VPS53: variants seen among roughly 807,000 people sequenced by gnomAD.
The protein encoded by VPS53 is vacuolar protein sorting-associated protein 53 homolog.
VPS53 carries 70 observed loss-of-function variants against 107.0 expected under a neutral mutation model. The ratio of observed to expected loss-of-function variants is 0.65; its 90% CI spans 0.54 to 0.80. VPS53 has a LOEUF of 0.80. Among genes scored for constraint, VPS53 ranks in the 30% least tolerant of loss-of-function variants. VPS53 has a pLI of 0.00. For synonymous variants in VPS53, 409 were observed against 393.3 expected (o/e 1.04, Z -0.47); for missense variants, 917 against 1,049.4 (o/e 0.87, Z 1.74).
intron 15 of VPS53, among the ~76,000 whole-genome samples, chr17:554,184 G>C (rs1434549728): frequency 6.6e-6 from 1 of 152,022 alleles, no homozygotes; most frequent in African/African-American, 2.4e-5. Context: ...TGCTACTACG[G>C]GCCAAGCACC....
At chr17:601,920 GAA>G (rs2143008416) in intron 11 of VPS53, 24 bp from the exon 12 acceptor site, 12 of 1,532,940 alleles carry the variant, frequency 7.8e-6, no homozygotes, top group Middle Eastern at 1.7e-4. Flanking sequence ...ATGAGAAAGA[GAA>G]GTGTTTTCTG....
At chr17:652,928 T>A (rs1392022013) in intron 7 of VPS53, among the ~76,000 whole-genome samples, 1 of 152,236 alleles carries the variant, frequency 6.6e-6, no homozygotes, top group East Asian at 1.9e-4. Flanking sequence ...TAGCATCTGA[T>A]ATTCCTTCAC....
chr17:670,226 ACTGGTGAACTGGGC>A (rs1971879977), intron 4 of VPS53, among the ~76,000 whole-genome samples: 3 of 151,688 alleles, frequency 2.0e-5, no homozygotes, highest in African/African-American at 7.3e-5. Flanking sequence ...TGAACTGGGC[ACTGGTGAACTGGGC>A]ACTGGAGCCA....
At chr17:697,278 G>A (rs1054123910) in intron 4 of VPS53, 140 bp downstream of exon 4, 24 of 744,830 alleles carry the variant, frequency 3.2e-5, no homozygotes, top group South Asian at 1.3e-4. Flanking sequence ...TGCTGTGGGC[G>A]CCTGCCCTGT....
Position 562,650 on chromosome 17 carries a change from C to G in VPS53, c.1409G>C (p.Ser470Thr). 1 of 1,613,932 alleles carries G rather than the reference C, an allele frequency of 6.2e-7. No homozygotes were observed. The highest frequency in any genetic ancestry group is 1.1e-5 in the South Asian group (1 of 91,066). Residue 470 changes from serine (S) to threonine (T), a missense_variant, in exon 14 of 22, where the codon AGC becomes ACC. By Grantham distance (58) the Ser-to-Thr change is moderately conservative. Transcript: ENST00000437048. ...GTAGTAGACAAAGAGGTCGGCGCAGCTGGGGAGCACGGCACCCCCTTCATC... is the reference window on the plus strand; with the variant it reads ...GTAGTAGACAAAGAGGTCGGCGCAGGTGGGGAGCACGGCACCCCCTTCATC... ...NTDEGGAVLP[S>T]CADLFVYYKK...
At chr17:585,997 T>C (rs1967289399) in intron 13 of VPS53, among the ~76,000 whole-genome samples, 1 of 152,188 alleles carries the variant, frequency 6.6e-6, no homozygotes. Flanking sequence ...TGGGCTGATA[T>C]ATGTCAGGGC....
At chr17:593,535 G>GTTTTTGGCTAAA (rs1266890927) in intron 12 of VPS53, among the ~76,000 whole-genome samples, 3 of 152,154 alleles carry the variant, frequency 2.0e-5, no homozygotes, top group Non-Finnish European at 4.4e-5. Flanking sequence ...AGACATTTAT[G>GTTTTTGGCTAAA]CAGCCAAAAA....
intron 19 of VPS53, among the ~76,000 whole-genome samples, chr17:523,596 A>G (rs973752839): frequency 6.6e-6 from 1 of 152,234 alleles, no homozygotes; most frequent in Non-Finnish European, 1.5e-5. Flanking sequence ...TGGTAGAAAC[A>G]TGGGGAAGAC....
intron 17 of VPS53, 120 bp downstream of exon 17, chr17:551,752 A>T: frequency 1.2e-6 from 1 of 843,804 alleles, no homozygotes; most frequent in Non-Finnish European, 1.7e-6. Flanking sequence ...GGGCCTCTCC[A>T]TTCTCCTCAG....
intron 12 of VPS53, chr17:599,851 A>T (rs1287159005): frequency 6.6e-6 from 1 of 152,554 alleles, no homozygotes; most frequent in Non-Finnish European, 1.5e-5. Flanking sequence ...TAACTTCCAC[A>T]GTGACATCTG....
chr17:529,075 T>G (rs1909330735), intron 19 of VPS53, among the ~76,000 whole-genome samples: 1 of 152,224 alleles, frequency 6.6e-6, no homozygotes, highest in South Asian at 2.1e-4. Context: ...ATATGGTGTG[T>G]GGCAAAGGTC....
Position 520,860 on chromosome 17 carries a change from T to TCACCCTCACCTACATGAGCTCTC in VPS53, c.2223+740_2223+741insGAGAGCTCATGTAGGTGAGGGTG, listed in dbSNP as rs1908696885. ...CTTCACCCTCACCTACATGAGCTCT[T>TCACCCTCACCTACATGAGCTCTC]CACCCTCACCTACATGAGCTCTTCA... On this transcript the variant is annotated intron_variant, in intron 20 of 21. Transcript: ENST00000437048. The surrounding 1 kb of genome is among the most constrained non-coding windows in gnomAD (Gnocchi z 4.4). Among the ~76,000 whole-genome samples the TCACCCTCACCTACATGAGCTCTC allele has an allele frequency of 6.6e-6, 1 of 152,038 alleles. No homozygotes were observed. The highest frequency in any genetic ancestry group is 2.4e-5 in the African/African-American group (1 of 41,386).
At chr17:618,389 T>G (rs28455070) in intron 11 of VPS53, among the ~76,000 whole-genome samples, 1 of 74,846 alleles carries the variant, frequency 1.3e-5, no homozygotes, top group Non-Finnish European at 3.0e-5. Context: ...TAGCTGGGAC[T>G]ACAGGCGTGC....
chr17:673,845 G>C (rs1337494452), intron 4 of VPS53: 1 of 152,154 alleles, frequency 6.6e-6, no homozygotes, highest in East Asian at 1.9e-4. Flanking sequence ...TATGATTTCT[G>C]CAAACCAAAG....
chr17:534,968 C>G (rs995442149), intron 18 of VPS53, among the ~76,000 whole-genome samples: 1 of 150,428 alleles, frequency 6.6e-6, no homozygotes, highest in African/African-American at 2.4e-5. Flanking sequence ...GCTCTCTATA[C>G]TAGTCTACAG....
chr17:670,292 C>T (rs902981046), intron 4 of VPS53, among the ~76,000 whole-genome samples: 24 of 152,314 alleles, frequency 1.6e-4, no homozygotes, highest in South Asian at 1.2e-3. Flanking sequence ...GACTGCCGTG[C>T]TCCTCTTTTA....
At chr17:643,904 G>C (rs900755994) in intron 7 of VPS53, among the ~76,000 whole-genome samples, 4 of 152,234 alleles carry the variant, frequency 2.6e-5, no homozygotes, top group Admixed American at 1.3e-4. Context: ...AGCTGTGCAG[G>C]CCTGTCCATT....
chr17:628,637 C>T (rs1969817528), intron 8 of VPS53, among the ~76,000 whole-genome samples: 1 of 152,168 alleles, frequency 6.6e-6, no homozygotes, highest in Admixed American at 6.5e-5. Flanking sequence ...TGGAATGCCA[C>T]CAGCCTCACT....
intron 14 of VPS53, among the ~76,000 whole-genome samples, chr17:561,689 G>A (rs1913012590): frequency 6.6e-6 from 1 of 152,152 alleles, no homozygotes; most frequent in African/African-American, 2.4e-5. Flanking sequence ...GAGTGCAATG[G>A]CACAATCTCG....
Sources: gnomAD v4.1 joint callset for allele counts (sites outside exome capture counted in the v4.1 genomes callset) on GRCh38, gnomAD v4.1.1 for gene constraint, Gnocchi (gnomAD v3.1) non-coding constraint, MANE v1.5 for transcripts, NCBI Gene and HGNC (gene_info 2026-07-23, HGNC 2026-07-21) for gene names.